Variants in NLGN1 observed in about 807,000 individuals in gnomAD.
The protein encoded by NLGN1 is neuroligin-1.
NLGN1 carries 12 observed loss-of-function variants against 65.5 expected under a neutral mutation model. The observed-to-expected ratio is 0.18, with a 90% CI of 0.12 to 0.30. The LOEUF (loss-of-function observed/expected upper bound fraction) is 0.30. Ranked by LOEUF, NLGN1 falls within the 10% of genes least tolerant of loss-of-function variation. NLGN1 has a pLI of 1.00. For missense variants in NLGN1, 750 were observed against 1,007.1 expected (o/e 0.74, Z 3.46); for synonymous variants, 350 against 359.5 (o/e 0.97, Z 0.30).
chr3:173,958,026 A>G, intron 4 of NLGN1, among the ~76,000 whole-genome samples: 1 of 152,162 alleles, frequency 6.6e-6, no homozygotes, highest in Non-Finnish European at 1.5e-5. Context: ...ATATACTGCA[A>G]GCAGCTTCCA....
intron 4 of NLGN1, among the ~76,000 whole-genome samples, chr3:174,273,935 G>A (rs1749991803): frequency 6.6e-6 from 1 of 151,542 alleles, no homozygotes; most frequent in Non-Finnish European, 1.5e-5. Context: ...AACCTGATAG[G>A]TAGTGTTATC....
chr3:173,912,006 G>A (rs1436858489), intron 4 of NLGN1, among the ~76,000 whole-genome samples: 1 of 152,064 alleles, frequency 6.6e-6, no homozygotes, highest in African/African-American at 2.4e-5. Context: ...ATTTTTTACA[G>A]AACTTTTTCT....
At chr3:173,842,225 C>A (rs1247574180) in intron 4 of NLGN1, among the ~76,000 whole-genome samples, 1 of 152,200 alleles carries the variant, frequency 6.6e-6, no homozygotes, top group African/African-American at 2.4e-5. Flanking sequence ...ATAATTCAAT[C>A]ACCTCCCACC....
At chr3:173,650,679 T>C (rs1759026382) in intron 3 of NLGN1, among the ~76,000 whole-genome samples, 5 of 152,206 alleles carry the variant, frequency 3.3e-5, no homozygotes, top group Admixed American at 2.0e-4. Flanking sequence ...GTGAAATAAG[T>C]ATTCAGTTGT....
At position 173,987,057 on chromosome 3, in the gene NLGN1, C is replaced by T. The variant is rs184802056; in HGVS notation, c.646+179225C>T. Among the ~76,000 whole-genome samples the T allele has an allele frequency of 1.6e-3, 237 of 152,188 alleles. 2 individuals are homozygous for T. The highest frequency in any genetic ancestry group is 1.9e-3 in the Non-Finnish European group (131 of 68,014). On this transcript the variant is annotated intron_variant, in intron 4 of 6. Transcript: ENST00000457714. ...TACTTTGAAACCCACTTTGTACAGC[C>T]CTGTAAGCTTGACCAGGCAACATTT...
At chr3:173,457,285 G>A (rs1722658772) in intron 2 of NLGN1, among the ~76,000 whole-genome samples, 1 of 152,092 alleles carries the variant, frequency 6.6e-6, no homozygotes, top group Admixed American at 6.6e-5. Context: ...AATAGTACCA[G>A]AAACAGAGGA....
chr3:174,034,341 G>A (rs973892989), intron 4 of NLGN1, among the ~76,000 whole-genome samples: 3 of 151,874 alleles, frequency 2.0e-5, no homozygotes, highest in African/African-American at 4.8e-5. Context: ...TTAGGCAGGA[G>A]GAAATTGATA....
At chr3:173,559,562 G>T (rs1307579439) in intron 2 of NLGN1, among the ~76,000 whole-genome samples, 1 of 152,112 alleles carries the variant, frequency 6.6e-6, no homozygotes, top group East Asian at 1.9e-4. Flanking sequence ...AATTTGTCTA[G>T]GATTTTTTTA....
At chr3:174,205,634 A>T (rs1735254303) in intron 4 of NLGN1, among the ~76,000 whole-genome samples, 1 of 152,230 alleles carries the variant, frequency 6.6e-6, no homozygotes, top group Non-Finnish European at 1.5e-5. Flanking sequence ...GCTTTACAAT[A>T]GCAAAAATGA....
intron 3 of NLGN1, among the ~76,000 whole-genome samples, chr3:173,739,088 G>C (rs1264471342): frequency 6.6e-6 from 1 of 151,950 alleles, no homozygotes; most frequent in East Asian, 1.9e-4. Context: ...GCATTGGTGA[G>C]AATATTCAAG....
At chr3:174,092,636 GTTA>G (rs139793130) in intron 4 of NLGN1, among the ~76,000 whole-genome samples, 22 of 151,364 alleles carry the variant, frequency 1.5e-4, no homozygotes, top group African/African-American at 4.1e-4. Flanking sequence ...TATGATGATG[GTTA>G]TTATTATTAT....
chr3:173,509,851 T>A (rs1732637222), intron 2 of NLGN1, among the ~76,000 whole-genome samples: 1 of 152,208 alleles, frequency 6.6e-6, no homozygotes, highest in Non-Finnish European at 1.5e-5. Flanking sequence ...ATTTTTTCTA[T>A]AGAATTATGA....
chr3:173,986,229 G>A (rs1014951129), intron 4 of NLGN1, among the ~76,000 whole-genome samples: 8 of 152,114 alleles, frequency 5.3e-5, no homozygotes, highest in African/African-American at 1.9e-4. Context: ...AACACTTTGG[G>A]AGGCCAAGGT....
At chr3:173,923,544 T>C (rs1342500019) in intron 4 of NLGN1, among the ~76,000 whole-genome samples, 1 of 152,162 alleles carries the variant, frequency 6.6e-6, no homozygotes, top group African/African-American at 2.4e-5. Flanking sequence ...TAAAAATTGC[T>C]GGTGTGGGTT....
intron 3 of NLGN1, among the ~76,000 whole-genome samples, chr3:173,793,798 CATATTTCTGA>C (rs1322488024): frequency 6.6e-6 from 1 of 151,972 alleles, no homozygotes; most frequent in Non-Finnish European, 1.5e-5. Flanking sequence ...TATTCCCTGT[CATATTTCTGA>C]GAATGATTTT....
At chr3:174,103,730 A>C (rs959264362) in intron 4 of NLGN1, among the ~76,000 whole-genome samples, 1 of 152,096 alleles carries the variant, frequency 6.6e-6, no homozygotes, top group Non-Finnish European at 1.5e-5. Context: ...TCACACCTAA[A>C]TTCCTCACCA....
chr3:174,090,657 T>C (rs1210236341), intron 4 of NLGN1, among the ~76,000 whole-genome samples: 1 of 151,978 alleles, frequency 6.6e-6, no homozygotes, highest in African/African-American at 2.4e-5. Context: ...AGGTTGAATA[T>C]AGAGACACAT....
At chr3:174,274,652 CTAAT>C (rs10575357) in intron 4 of NLGN1, among the ~76,000 whole-genome samples, 74,504 of 151,020 alleles carry the variant, frequency 0.49, 18,750 homozygotes, top group East Asian at 0.67. Context: ...ACACCATTTC[CTAAT>C]TAATTGAGTA....
chr3:173,617,854 T>C (rs902821756), intron 3 of NLGN1, among the ~76,000 whole-genome samples: 1 of 152,176 alleles, frequency 6.6e-6, no homozygotes, highest in Admixed American at 6.5e-5. Context: ...TTTCCCACCT[T>C]CTATTTTAAT....
Sources: gnomAD v4.1 joint callset for allele counts (sites outside exome capture counted in the v4.1 genomes callset) on GRCh38, gnomAD v4.1.1 for gene constraint, MANE v1.5 for transcripts, NCBI Gene and HGNC (gene_info 2026-07-23, HGNC 2026-07-21) for gene names.